Variants in DEAF1 observed in about 807,000 individuals in gnomAD.
DEAF1 encodes the protein deformed epidermal autoregulatory factor 1 homolog.
In DEAF1, 53 loss-of-function variants were observed where a neutral mutation model predicts 58.9. That is an observed-to-expected ratio of 0.90 (90% CI 0.72 to 1.13). The LOEUF is 1.13. Ranked by LOEUF, DEAF1 falls within the 50% of genes most tolerant of loss-of-function variation. The probability of loss-of-function intolerance (pLI) is 0.00; values close to 1 mark genes in which losing one functional copy is unlikely to be tolerated. For missense variants in DEAF1, 685 were observed against 791.4 expected, an observed-to-expected ratio of 0.87 and a Z score of 1.61; for synonymous variants, 385 against 340.4, an observed-to-expected ratio of 1.13 and a Z score of -1.44.
chr11:684,650 TA>T (rs1372848611), intron 6 of DEAF1, among the ~76,000 whole-genome samples: 3 of 152,198 alleles, frequency 2.0e-5, no homozygotes, highest in African/African-American at 2.4e-5. Context: ...TTTCATTATT[TA>T]AGGTTTCCAC....
chr11:686,336 T>C (rs1396926070), intron 5 of DEAF1, among the ~76,000 whole-genome samples: 1 of 150,850 alleles, frequency 6.6e-6, no homozygotes, highest in Non-Finnish European at 1.5e-5. Context: ...TTCCAGAGCC[T>C]TCTCCTTTTC....
intron 11 of DEAF1, 118 bp downstream of exon 11, chr11:653,844 G>A (rs1858912339): frequency 1.1e-6 from 1 of 881,802 alleles, no homozygotes; most frequent in South Asian, 1.3e-5. Context: ...CCCAGAGGGA[G>A]GGACAGGGAG....
chr11:644,651 A>T lies in DEAF1; in HGVS notation c.1597T>A (p.Trp533Arg). Residue 533 changes from tryptophan (W) to arginine (R), a missense_variant, in exon 12 of 12, where the codon TGG becomes AGG. Trp to Arg is a moderately radical substitution (Grantham distance 101). Transcript: ENST00000382409. The surrounding 1 kb of genome is among the most constrained non-coding windows in gnomAD (Gnocchi z 4.3). ...CCGCATATGTGCTGGTGATCCTTCCAGTCCTGGAAGGGAGGACACACCCAT... is the reference window on the plus strand; with the variant it reads ...CCGCATATGTGCTGGTGATCCTTCCTGTCCTGGAAGGGAGGACACACCCAT... ...YCSTFCQRKD[W>R]KDHQHICGQS... The T allele has an allele frequency of 6.2e-7, 1 of 1,608,630 alleles. No individual in the cohort carries two copies. The highest frequency in any genetic ancestry group is 8.5e-7 in the Non-Finnish European group (1 of 1,178,510).
chr11:663,380 G>A (rs540528823), intron 10 of DEAF1, among the ~76,000 whole-genome samples: 5 of 152,280 alleles, frequency 3.3e-5, no homozygotes, highest in Admixed American at 6.5e-5. Flanking sequence ...CCCGGGAGGC[G>A]GAGGTTGCAG....
rs868736411 is a variant in DEAF1 at position 694,525 on chromosome 11, T to C, written c.289+234A>G. The C allele has an allele frequency of 6.9e-4, 188 of 273,052 alleles. 1 individual carries two copies. The South Asian group carries it at 7.0e-3, about 10-fold the overall frequency. 16.9% of individuals were successfully genotyped at this position (273,052 alleles called of 1,614,324 possible). A position where few individuals can be genotyped will look rare whatever the true frequency, so the allele number is the denominator to read the frequency against. On this transcript the variant is annotated intron_variant, in intron 1 of 11. Transcript: ENST00000382409. ...GGGTGGGGCAGGTGTGAGAGGCAGA[T>C]GTGAGGGGTGAGCTAGTCACGTGGG...
chr11:673,321 G>C (rs1859913659), intron 10 of DEAF1, among the ~76,000 whole-genome samples: 1 of 152,128 alleles, frequency 6.6e-6, no homozygotes, highest in Admixed American at 6.6e-5. Context: ...GAGCTCAGGA[G>C]TGTGAGATCA....
chr11:700,733 G>A (rs1481146016), intron 1 of DEAF1: 1 of 1,581,816 alleles, frequency 6.3e-7, no homozygotes. Flanking sequence ...ACACCGTGAA[G>A]AACCTGTCCT....
chr11:669,249 G>A (rs1259006506), intron 10 of DEAF1, among the ~76,000 whole-genome samples: 4 of 151,722 alleles, frequency 2.6e-5, no homozygotes, highest in African/African-American at 9.7e-5. Context: ...ACCATGCCTG[G>A]CCGAAATAAA....
intron 10 of DEAF1, among the ~76,000 whole-genome samples, chr11:666,868 G>A (rs1236669901): frequency 3.0e-5 from 3 of 99,636 alleles, no homozygotes; most frequent in Admixed American, 3.0e-4. Context: ...GCAAGACTCT[G>A]TCTCCAAAAA....
chr11:665,975 T>G (rs1178332203), intron 10 of DEAF1: 3 of 151,404 alleles, frequency 2.0e-5, no homozygotes, highest in African/African-American at 7.2e-5. Flanking sequence ...ACACAGCATG[T>G]GGGGAAGACT....
chr11:695,206 A>G lies in DEAF1; in HGVS notation c.-159T>C. On this transcript the variant is annotated 5_prime_UTR_variant, in exon 1 of 12. Transcript: ENST00000382409. ...CCGAAAAGGCAGCCAGCCGCCGAGC[A>G]GAGCCGAGCCGAGTCCGCCCGCGGA... 2 of 647,486 alleles carry G rather than the reference A, an allele frequency of 3.1e-6. No homozygotes were observed. Among genetic ancestry groups the G allele is most frequent in the East Asian group, 3.9e-5 (1 of 25,494 alleles). 40.1% of individuals were successfully genotyped at this position (647,486 alleles called of 1,614,324 possible).
chr11:676,488 C>G (rs1344707856), intron 9 of DEAF1, among the ~76,000 whole-genome samples: 1 of 151,240 alleles, frequency 6.6e-6, no homozygotes, highest in African/African-American at 2.4e-5. Flanking sequence ...GAAATGTTCG[C>G]AGAATCAGCG....
At chr11:669,737 C>G (rs943236910) in intron 10 of DEAF1, among the ~76,000 whole-genome samples, 2 of 151,588 alleles carry the variant, frequency 1.3e-5, no homozygotes, top group African/African-American at 4.8e-5. Flanking sequence ...CAAGACCAGC[C>G]TGACAAACAT....
intron 6 of DEAF1, among the ~76,000 whole-genome samples, chr11:682,737 G>A (rs2133388957): frequency 6.6e-6 from 1 of 152,306 alleles, no homozygotes; most frequent in African/African-American, 2.4e-5. Context: ...GATGGAAATT[G>A]GGGCTCCGTA....
At chr11:701,796 G>A (rs1487735892) in intron 1 of DEAF1, among the ~76,000 whole-genome samples, 2 of 152,174 alleles carry the variant, frequency 1.3e-5, no homozygotes, top group Non-Finnish European at 2.9e-5. Context: ...AAAGTGCCTG[G>A]CCTCACTCCC....
rs778424997 is a variant in DEAF1 at position 674,508 on chromosome 11, C to T, written c.1503+28G>A. On this transcript the variant is annotated intron_variant, in intron 10 of 11. Coordinates refer to ENST00000382409, the MANE Select transcript of DEAF1 (RefSeq NM_021008.4). ...TGGCCTGGGGTTACTCGGCACAGGTCGTGTCTTCCCATTTGTTCCAAGGTT... is the reference window on the plus strand; with the variant it reads ...TGGCCTGGGGTTACTCGGCACAGGTTGTGTCTTCCCATTTGTTCCAAGGTT... 5.0e-6 allele frequency: 8 copies of T among 1,613,490 alleles called. No homozygotes were observed. In the East Asian group the frequency reaches 8.9e-5, roughly 18 times the overall value.
Position 644,601 on chromosome 11 carries a change from C to G in DEAF1, c.1647G>C (p.Gln549His), listed in dbSNP as rs1564918387. 6.2e-7 allele frequency: 1 copy of G among 1,613,120 alleles called. No homozygotes were observed. Among genetic ancestry groups the G allele is most frequent in the African/African-American group, 1.3e-5 (1 of 74,928 alleles). Residue 549 changes from glutamine to histidine, a missense_variant, in exon 12 of 12, where the codon CAG (glutamine) becomes CAC (histidine). By Grantham distance (24) the Gln-to-His change is conservative. Transcript: ENST00000382409. The surrounding 1 kb of genome is among the most constrained non-coding windows in gnomAD (Gnocchi z 4.3). ...TTTCAGCCACGTGGACTTCGTCTGC[C>G]TGGACGGTGACAGCTGCTGACTGGC... The part of the protein sequence containing the change: ...ICGQSAAVTV[Q>H]ADEVHVAESV...
intron 6 of DEAF1, among the ~76,000 whole-genome samples, chr11:682,201 G>A (rs982430604): frequency 1.3e-5 from 2 of 152,202 alleles, no homozygotes; most frequent in Non-Finnish European, 2.9e-5. Flanking sequence ...AGCTGTTGGT[G>A]TAGTCAAGTG....
chr11:648,352 G>A (rs545638631), intron 11 of DEAF1, among the ~76,000 whole-genome samples: 157 of 151,994 alleles, frequency 1.0e-3, no homozygotes, highest in Non-Finnish European at 1.8e-3. Flanking sequence ...CCACCACCAC[G>A]CCAAGCTAAT....
Sources: allele counts gnomAD v4.1 joint callset (sites outside exome capture counted in the v4.1 genomes callset), GRCh38; gene constraint gnomAD v4.1.1; non-coding constraint Gnocchi (gnomAD v3.1); transcripts MANE v1.5; gene names NCBI Gene and HGNC (gene_info 2026-07-23, HGNC 2026-07-21).